BAZ2B: variants seen among roughly 807,000 people sequenced by gnomAD.
BAZ2B encodes the protein bromodomain adjacent to zinc finger domain 2B, also known as bromodomain adjacent to zinc finger domain protein 2B.
In BAZ2B, 91 loss-of-function variants were observed where a neutral mutation model predicts 246.0. That is an observed-to-expected ratio of 0.37 (90% confidence interval 0.31 to 0.44). The LOEUF (loss-of-function observed/expected upper bound fraction) is 0.44, where lower values mean the gene tolerates loss of function less well. Among genes scored for constraint, BAZ2B ranks in the 20% least tolerant of loss-of-function variants. BAZ2B has a pLI of 1.00. For synonymous variants in BAZ2B, 855 were observed against 860.0 expected, an observed-to-expected ratio of 0.99 and a Z score of 0.10; for missense variants, 2,332 against 2,533.7, an observed-to-expected ratio of 0.92 and a Z score of 1.71.
At chr2:159,607,188 G>A (rs1693708365) in intron 1 of BAZ2B, among the ~76,000 whole-genome samples, 1 of 152,108 alleles carries the variant, frequency 6.6e-6, no homozygotes, top group Non-Finnish European at 1.5e-5. Context: ...GCCCGTTACT[G>A]GCAGTCCAGC....
At chr2:159,433,637 T>A (rs2071570061) in intron 8 of BAZ2B, 1 of 262,172 alleles carries the variant, frequency 3.8e-6, no homozygotes, top group African/African-American at 2.2e-5. Flanking sequence ...ATTTTCACAA[T>A]AATCCAAACT....
intron 3 of BAZ2B, chr2:159,462,590 G>A: frequency 1.1e-6 from 1 of 872,262 alleles, no homozygotes; most frequent in South Asian, 1.3e-5. Context: ...GGCAGTTTGT[G>A]CGTCATTCGA....
At chr2:159,337,481 C>A in intron 32 of BAZ2B, 86 bp downstream of exon 32, 2 of 1,610,926 alleles carry the variant, frequency 1.2e-6, no homozygotes, top group Non-Finnish European at 8.5e-7. Context: ...TCACCACTAA[C>A]GGATGGTGCA....
At chr2:159,459,342 C>T (rs1455862821) in intron 3 of BAZ2B, 1 of 152,224 alleles carries the variant, frequency 6.6e-6, no homozygotes, top group African/African-American at 2.4e-5. Flanking sequence ...TTCTTTGTTT[C>T]ACTCTTCTTT....
At chr2:159,383,103 C>T (rs1352301289) in intron 24 of BAZ2B, among the ~76,000 whole-genome samples, 1 of 152,060 alleles carries the variant, frequency 6.6e-6, no homozygotes, top group Non-Finnish European at 1.5e-5. Context: ...TGATCCCATA[C>T]TAACTGACTG....
At chr2:159,510,534 C>G (rs138163263) in intron 2 of BAZ2B, among the ~76,000 whole-genome samples, 98 of 152,190 alleles carry the variant, frequency 6.4e-4, no homozygotes, top group African/African-American at 2.1e-3. Flanking sequence ...TTTGGAAATA[C>G]ACTAATGATG....
chr2:159,356,233 C>T (rs757879546), intron 27 of BAZ2B, among the ~76,000 whole-genome samples: 9 of 152,206 alleles, frequency 5.9e-5, no homozygotes, highest in Non-Finnish European at 1.5e-5. Flanking sequence ...AGCTAAGATC[C>T]ACTGGCTTGA....
chr2:159,401,683 T>G (rs1172334421), intron 16 of BAZ2B, among the ~76,000 whole-genome samples: 1 of 152,162 alleles, frequency 6.6e-6, no homozygotes, highest in Non-Finnish European at 1.5e-5. Context: ...AATGAACTGG[T>G]TATTGGATAT....
chr2:159,476,930 G>T (rs111888389), intron 3 of BAZ2B, among the ~76,000 whole-genome samples: 1 of 152,178 alleles, frequency 6.6e-6, no homozygotes, highest in Non-Finnish European at 1.5e-5. Flanking sequence ...ATCATTTTGC[G>T]TATAAGGGAA....
At chr2:159,356,924 A>G (rs913405857) in intron 27 of BAZ2B, among the ~76,000 whole-genome samples, 35 of 152,342 alleles carry the variant, frequency 2.3e-4, no homozygotes, top group African/African-American at 8.2e-4. Flanking sequence ...AAGGAATAGC[A>G]TCAACATCAA....
intron 1 of BAZ2B, among the ~76,000 whole-genome samples, chr2:159,561,218 C>G (rs2089834990): frequency 6.6e-6 from 1 of 152,082 alleles, no homozygotes; most frequent in Admixed American, 6.6e-5. Context: ...TGGTGCTGTT[C>G]TGGTAGTAAT....
intron 1 of BAZ2B, 123 bp downstream of exon 1, chr2:159,616,119 A>T (rs1696057795): frequency 6.6e-6 from 1 of 152,264 alleles, no homozygotes; most frequent in Non-Finnish European, 1.5e-5. Flanking sequence ...GCCTCCACGC[A>T]GCAACTCCGG....
intron 36 of BAZ2B, among the ~76,000 whole-genome samples, chr2:159,321,528 G>A (rs908767200): frequency 1.3e-5 from 2 of 152,190 alleles, no homozygotes; most frequent in East Asian, 3.9e-4. Context: ...CAGACGAATG[G>A]ATAAAGAAAA....
Position 159,521,845 on chromosome 2 carries a change from A to T in BAZ2B, c.-3+33978T>A, listed in dbSNP as rs188685630. ...AATTGTTGGATCTCAGGTCCAAAAAATTTTTTATCAATATTTCACATAAAT... is the reference window on the plus strand; with the variant it reads ...AATTGTTGGATCTCAGGTCCAAAAATTTTTTTATCAATATTTCACATAAAT... On this transcript the variant is annotated intron_variant, in intron 2 of 36. Coordinates refer to ENST00000392783, the MANE Select transcript of BAZ2B (RefSeq NM_013450.4). Among the ~76,000 whole-genome samples the T allele has an allele frequency of 1.5e-3, 234 of 152,176 alleles. 1 individual carries two copies. The highest frequency in any genetic ancestry group is 5.4e-3 in the African/African-American group (223 of 41,556).
intron 27 of BAZ2B, among the ~76,000 whole-genome samples, chr2:159,371,930 C>G (rs2060893058): frequency 2.6e-5 from 4 of 152,148 alleles, no homozygotes; most frequent in Admixed American, 2.6e-4. Flanking sequence ...AGCAAGTATA[C>G]AGAACAGAGG....
chr2:159,534,505 A>C (rs1310910273), intron 2 of BAZ2B, among the ~76,000 whole-genome samples: 2 of 152,222 alleles, frequency 1.3e-5, no homozygotes, highest in Non-Finnish European at 2.9e-5. Flanking sequence ...AAGAAAAAGT[A>C]AAATTATGGT....
intron 3 of BAZ2B, among the ~76,000 whole-genome samples, chr2:159,472,937 T>C (rs978957168): frequency 1.3e-4 from 20 of 152,218 alleles, no homozygotes; most frequent in Admixed American, 4.6e-4. Flanking sequence ...GATATTGGCC[T>C]GTAATTTTCT....
chr2:159,488,649 A>G (rs1346469208), intron 2 of BAZ2B, among the ~76,000 whole-genome samples: 1 of 152,174 alleles, frequency 6.6e-6, no homozygotes, highest in Non-Finnish European at 1.5e-5. Flanking sequence ...AGTCTATTTC[A>G]ATTTTCCACA....
Position 159,336,969 on chromosome 2 carries a change from T to A in BAZ2B, c.5769A>T (p.Ile1923=). The A allele has an allele frequency of 6.2e-7, 1 of 1,607,314 alleles. No individual in the cohort carries two copies. Among genetic ancestry groups the A allele is most frequent in the Non-Finnish European group, 8.5e-7 (1 of 1,175,458 alleles). ...ALCIQQLQKS[I]AWEKSIMKVY... ...CTTTCATAATTGATTTTTCCCATGC[T>A]ATTGATTTCTGTAATTGCTGAATGC... Residue 1923 remains isoleucine, a synonymous_variant, in exon 33 of 37, where the codon ATA becomes ATT. Coordinates refer to ENST00000392783, the MANE Select transcript of BAZ2B (RefSeq NM_013450.4).
Sources: gnomAD v4.1 joint callset for allele counts (sites outside exome capture counted in the v4.1 genomes callset) on GRCh38, gnomAD v4.1.1 for gene constraint, MANE v1.5 for transcripts, NCBI Gene and HGNC (gene_info 2026-07-23, HGNC 2026-07-21) for gene names.